CLHC1: variants seen among roughly 807,000 people sequenced by gnomAD.
CLHC1 encodes clathrin heavy chain linker domain containing 1.
In CLHC1, 72 loss-of-function variants were observed where a neutral mutation model predicts 69.5. The observed-to-expected ratio is 1.04, with a 90% CI of 0.86 to 1.26. The LOEUF (loss-of-function observed/expected upper bound fraction) is 1.26. CLHC1 is among the 50% of genes most tolerant of loss of function. The probability of loss-of-function intolerance (pLI) is 0.00; values close to 1 mark genes in which losing one functional copy is unlikely to be tolerated. For synonymous variants in CLHC1, 223 were observed against 224.3 expected, an observed-to-expected ratio of 0.99 and a Z score of 0.05; for missense variants, 790 against 679.3, an observed-to-expected ratio of 1.16 and a Z score of -1.81.
intron 5 of CLHC1, among the ~76,000 whole-genome samples, chr2:55,212,406 T>A (rs1238017126): frequency 6.6e-6 from 1 of 152,230 alleles, no homozygotes; most frequent in Non-Finnish European, 1.5e-5. Context: ...AAGAGGTCTT[T>A]AGGTGATGCT....
chr2:55,192,670 C>T (rs757873753), intron 9 of CLHC1, among the ~76,000 whole-genome samples: 1 of 152,108 alleles, frequency 6.6e-6, no homozygotes, highest in Non-Finnish European at 1.5e-5. Flanking sequence ...AAGAAATAAA[C>T]TCTAAATATT....
chr2:55,217,743 T>C, intron 4 of CLHC1, 68 bp downstream of exon 4: 1 of 974,332 alleles, frequency 1.0e-6, no homozygotes, highest in Non-Finnish European at 1.4e-6. Flanking sequence ...CCAGCTAGAG[T>C]TACACTGGCT....
At chr2:55,232,106 GA>G (rs1339605984) in intron 1 of CLHC1, 116 bp downstream of exon 1, 1 of 153,428 alleles carries the variant, frequency 6.5e-6, no homozygotes, top group Non-Finnish European at 1.5e-5. Flanking sequence ...ACCGCTTCTG[GA>G]AGTGAGTGAA....
chr2:55,217,544 AAAAAAAAAATATATATATAT>A (rs1195582351), intron 4 of CLHC1, among the ~76,000 whole-genome samples: 7 of 83,004 alleles, frequency 8.4e-5, no homozygotes, highest in African/African-American at 4.5e-4. Flanking sequence ...AAAAAAAAAA[AAAAAAAAAATATATATATAT>A]ATATATATAT....
At chr2:55,196,396 A>G (rs1671418092) in intron 9 of CLHC1, among the ~76,000 whole-genome samples, 1 of 152,194 alleles carries the variant, frequency 6.6e-6, no homozygotes, top group Non-Finnish European at 1.5e-5. Context: ...CCCCCAACCC[A>G]GAGAGTGCAG....
chr2:55,178,591 G>A (rs540326789), intron 11 of CLHC1, among the ~76,000 whole-genome samples: 17 of 152,146 alleles, frequency 1.1e-4, no homozygotes, highest in East Asian at 3.9e-4. Flanking sequence ...CTGGGCTCAC[G>A]CAGTCTCCCG....
Position 55,209,667 on chromosome 2 carries a change from C to G in CLHC1, c.664G>C (p.Asp222His). ...EEMIVLLKRRDVAENLNKKLQ... is the reference protein window; with the variant it reads ...EEMIVLLKRRHVAENLNKKLQ... ...TTTTTGTTCAGATTTTCAGCTACAT[C>G]TCGCCGTTTTAATAACACAATCATT... The change falls in exon 6 of 13, where the codon GAT (aspartate) becomes CAT (histidine). Residue 222 changes from aspartate to histidine, a missense_variant. Coordinates refer to ENST00000401408, the MANE Select transcript of CLHC1 (RefSeq NM_152385.4). 2 of 1,614,110 alleles carry G rather than the reference C, an allele frequency of 1.2e-6. No individual in the cohort carries two copies. Among genetic ancestry groups the G allele is most frequent in the East Asian group, 2.2e-5 (1 of 44,866 alleles).
chr2:55,183,431 C>G (rs560367704), intron 9 of CLHC1, among the ~76,000 whole-genome samples: 1 of 152,282 alleles, frequency 6.6e-6, no homozygotes, highest in South Asian at 2.1e-4. Context: ...TCAAGTCTAG[C>G]TTGAACTTTA....
chr2:55,206,827 C>T (rs1034518288), intron 8 of CLHC1: 2 of 163,214 alleles, frequency 1.2e-5, no homozygotes, highest in South Asian at 3.5e-4. Context: ...CCAAATTGGG[C>T]CGGGCATGGT....
chr2:55,180,731 T>C lies in CLHC1; in HGVS notation c.1182-19A>G. On this transcript the variant is annotated intron_variant, in intron 10 of 12. Transcript: ENST00000401408. ...TGTCAGTCTAGAACAAGCAGATCAATAAGACATATGTTAGAAAATTCCTGA... is the reference window on the plus strand; with the variant it reads ...TGTCAGTCTAGAACAAGCAGATCAACAAGACATATGTTAGAAAATTCCTGA... 1 of 1,605,670 alleles carries C rather than the reference T, an allele frequency of 6.2e-7. No homozygotes were observed. The highest frequency in any genetic ancestry group is 1.1e-5 in the South Asian group (1 of 90,818).
intron 9 of CLHC1, among the ~76,000 whole-genome samples, chr2:55,202,354 G>A (rs1220793390): frequency 6.6e-6 from 1 of 150,888 alleles, no homozygotes; most frequent in East Asian, 1.9e-4. Context: ...TCAGGAGTTC[G>A]AGATCAGCCT....
At chr2:55,226,620 G>T (rs1674733707) in intron 2 of CLHC1, among the ~76,000 whole-genome samples, 1 of 151,984 alleles carries the variant, frequency 6.6e-6, no homozygotes, top group Non-Finnish European at 1.5e-5. Context: ...TTCCCCCATT[G>T]TCAGATATTT....
intron 11 of CLHC1, among the ~76,000 whole-genome samples, chr2:55,179,878 G>T (rs1441889152): frequency 2.0e-5 from 3 of 152,146 alleles, no homozygotes; most frequent in African/African-American, 4.8e-5. Flanking sequence ...TCACAGGCTG[G>T]GTGCGGTGGC....
At chr2:55,179,945 G>C (rs991706979) in intron 11 of CLHC1, among the ~76,000 whole-genome samples, 1 of 152,080 alleles carries the variant, frequency 6.6e-6, no homozygotes, top group Non-Finnish European at 1.5e-5. Context: ...ACAAGATCAG[G>C]AGATCAAGAC....
intron 5 of CLHC1, among the ~76,000 whole-genome samples, chr2:55,211,953 A>G (rs1418725163): frequency 6.6e-6 from 1 of 152,224 alleles, no homozygotes; most frequent in Non-Finnish European, 1.5e-5. Flanking sequence ...ATATTATACC[A>G]GTCGTTCTCA....
intron 9 of CLHC1, 51 bp from the exon 10 acceptor site, chr2:55,181,795 C>T (rs1237870261): frequency 6.9e-7 from 1 of 1,449,440 alleles, no homozygotes; most frequent in Middle Eastern, 1.8e-4. Flanking sequence ...AAATAGTTTG[C>T]TTTTTCTTAT....
intron 4 of CLHC1, among the ~76,000 whole-genome samples, chr2:55,213,525 T>C (rs1207094188): frequency 6.6e-6 from 1 of 152,216 alleles, no homozygotes; most frequent in East Asian, 1.9e-4. Flanking sequence ...GGACCTGATG[T>C]CTTTGAAAAA....
intron 5 of CLHC1, among the ~76,000 whole-genome samples, chr2:55,210,889 C>T (rs1015302342): frequency 6.6e-6 from 1 of 151,888 alleles, no homozygotes; most frequent in Non-Finnish European, 1.5e-5. Context: ...GAGAGGCTCT[C>T]ACAGGGTCTG....
chr2:55,220,954 T>C (rs1426122181), intron 3 of CLHC1, among the ~76,000 whole-genome samples: 1 of 152,216 alleles, frequency 6.6e-6, no homozygotes, highest in Non-Finnish European at 1.5e-5. Context: ...TTCTGTATGA[T>C]ATAAAAAGAA....
Sources: gnomAD v4.1 joint callset for allele counts (sites outside exome capture counted in the v4.1 genomes callset) on GRCh38, gnomAD v4.1.1 for gene constraint, MANE v1.5 for transcripts, NCBI Gene and HGNC (gene_info 2026-07-23, HGNC 2026-07-21) for gene names.